The following SMIM10L1 variants were observed in gnomAD, a reference collection of about 807,000 sequenced individuals.
SMIM10L1 encodes the protein small integral membrane protein 10 like 1.
SMIM10L1 carries 6 observed loss-of-function variants against 4.5 expected under a neutral mutation model. That is an observed-to-expected ratio of 1.33 (90% confidence interval 0.73 to 2.62). SMIM10L1 has a LOEUF of 2.62. Among genes scored for constraint, SMIM10L1 ranks in the 30% most tolerant of loss-of-function variants. SMIM10L1 has a pLI of 0.00. For synonymous variants in SMIM10L1, 49 were observed against 42.2 expected, an observed-to-expected ratio of 1.16 and a Z score of -0.63; for missense variants, 66 against 86.2, an observed-to-expected ratio of 0.77 and a Z score of 0.93.
In SMIM10L1 at chr12:11,173,542, G is replaced by A. The variant is rs1947903310; in HGVS notation, c.*1979G>A. The A allele has an allele frequency of 6.6e-6, 1 of 152,158 alleles. No individual in the cohort carries two copies. Among genetic ancestry groups the A allele is most frequent in the South Asian group, 2.1e-4 (1 of 4,832 alleles). 9.4% of individuals were successfully genotyped at this position (152,158 alleles called of 1,614,324 possible). On this transcript the variant is annotated 3_prime_UTR_variant, in exon 1 of 1. Coordinates refer to ENST00000622602, the MANE Select transcript of SMIM10L1 (RefSeq NM_001271592.2). ...CAAAACATTTTAGTCTAAAATATCA[G>A]AAGTGTAGTTTAATCAATGAAATAG...
rs145863299 is a variant in SMIM10L1 at position 11,175,676 on chromosome 12, G to A, written c.*4113G>A. 8 of 152,270 alleles carry A rather than the reference G, an allele frequency of 5.3e-5. No homozygotes were observed. Among genetic ancestry groups the A allele is most frequent in the African/African-American group, 1.9e-4 (8 of 41,550 alleles). 9.4% of individuals were successfully genotyped at this position (152,270 alleles called of 1,614,324 possible). Reference sequence around the variant, plus strand: ...CTATTACTTGGGTTACCTTGAGTGTGGGGATTCTTCTTGCAGTTTTAACAC... The same window carrying A: ...CTATTACTTGGGTTACCTTGAGTGTAGGGATTCTTCTTGCAGTTTTAACAC... On this transcript the variant is annotated 3_prime_UTR_variant, in exon 1 of 1. Coordinates refer to ENST00000622602, the MANE Select transcript of SMIM10L1 (RefSeq NM_001271592.2).
In SMIM10L1 at chr12:11,172,246, A is replaced by G. The variant is rs1298913271; in HGVS notation, c.*683A>G. The G allele has an allele frequency of 6.6e-6, 1 of 152,234 alleles. No individual in the cohort carries two copies. The highest frequency in any genetic ancestry group is 1.5e-5 in the Non-Finnish European group (1 of 68,040). 9.4% of individuals were successfully genotyped at this position (152,234 alleles called of 1,614,324 possible). A position where few individuals can be genotyped will look rare whatever the true frequency, so the allele number is the denominator to read the frequency against. On this transcript the variant is annotated 3_prime_UTR_variant, in exon 1 of 1. Coordinates refer to ENST00000622602, the MANE Select transcript of SMIM10L1 (RefSeq NM_001271592.2). ...TAGCACAAAGCTTGGCTGTTCAGTG[A>G]ATAACATTTAAATAATCGTAAAATA... is the stretch of plus-strand genomic sequence containing the variant.
At position 11,171,700 on chromosome 12, in the gene SMIM10L1, T is replaced by A; in HGVS notation, c.*137T>A. The A allele has an allele frequency of 1.8e-6, 1 of 562,256 alleles. No individual in the cohort carries two copies. The highest frequency in any genetic ancestry group is 1.9e-5 in the African/African-American group (1 of 51,850). The allele number at this position is 562,256 out of a possible 1,614,324, so 34.8% of individuals were successfully genotyped here. ...CAGGCGCTCTTCGTGGCTGCCCTCT[T>A]AGCTGCTAGCGGAGCTCCTCAGGGG... is the stretch of plus-strand genomic sequence containing the variant. On this transcript the variant is annotated 3_prime_UTR_variant, in exon 1 of 1. Coordinates refer to ENST00000622602, the MANE Select transcript of SMIM10L1 (RefSeq NM_001271592.2).
chr12:11,171,653 C>T lies in SMIM10L1; in HGVS notation c.*90C>T. 1 of 957,054 alleles carries T rather than the reference C, an allele frequency of 1.0e-6. No homozygotes were observed. Among genetic ancestry groups the T allele is most frequent in the South Asian group, 5.4e-5 (1 of 18,370 alleles). 59.3% of individuals were successfully genotyped at this position (957,054 alleles called of 1,614,324 possible). Reference sequence around the variant, plus strand: ...CGCGGCGGAGCAGCCAATGGCGAGCCCCACAGTCTCGCGAGAGTGCTCAGG... The same window carrying T: ...CGCGGCGGAGCAGCCAATGGCGAGCTCCACAGTCTCGCGAGAGTGCTCAGG... On this transcript the variant is annotated 3_prime_UTR_variant, in exon 1 of 1. Transcript: ENST00000622602.
In SMIM10L1 at chr12:11,172,766, T is replaced by G. The variant is rs767395976; in HGVS notation, c.*1203T>G. 2 of 152,162 alleles carry G rather than the reference T, an allele frequency of 1.3e-5. No homozygotes were observed. Among genetic ancestry groups the G allele is most frequent in the African/African-American group, 2.4e-5 (1 of 41,452 alleles). 9.4% of individuals were successfully genotyped at this position (152,162 alleles called of 1,614,324 possible). A position where few individuals can be genotyped will look rare whatever the true frequency, so the allele number is the denominator to read the frequency against. ...TTTTGAACGCTGAGAAAAATAAAAA[T>G]TTAAAAACTACACTGTATACACGGT... On this transcript the variant is annotated 3_prime_UTR_variant, in exon 1 of 1. Transcript: ENST00000622602.
Position 11,175,444 on chromosome 12 carries a change from A to G in SMIM10L1, c.*3881A>G, listed in dbSNP as rs1231174024. ...ATAGCGTCAAGAAGAAAATAAAGTT[A>G]CATGCAGAAGCATAAAGGGGTAGGA... On this transcript the variant is annotated 3_prime_UTR_variant, in exon 1 of 1. Coordinates refer to ENST00000622602, the MANE Select transcript of SMIM10L1 (RefSeq NM_001271592.2). The G allele has an allele frequency of 6.6e-6, 1 of 152,218 alleles. No homozygotes were observed. Among genetic ancestry groups the G allele is most frequent in the African/African-American group, 2.4e-5 (1 of 41,460 alleles). The allele number at this position is 152,218 out of a possible 1,614,324, so 9.4% of individuals were successfully genotyped here. A position where few individuals can be genotyped will look rare whatever the true frequency, so the allele number is the denominator to read the frequency against.
In SMIM10L1 at chr12:11,171,493, G is replaced by A. The variant is rs746167780; in HGVS notation, c.137G>A (p.Arg46His). The change falls in exon 1 of 1, where the codon CGC becomes CAC. Residue 46 changes from arginine (R) to histidine (H), a missense_variant. Arg to His is a conservative substitution (Grantham distance 29). Transcript: ENST00000622602. ...TTCTTCGAGCTGGCCTGGCAGCTGC[G>A]CATGAACTTCCCGTACTTCTACGTC... ...LAFFELAWQL[R>H]MNFPYFYVAG... is the part of the protein sequence containing the mutation. 77 of 1,232,270 alleles carry A rather than the reference G, an allele frequency of 6.2e-5. No homozygotes were observed. Among genetic ancestry groups the A allele is most frequent in the Non-Finnish European group, 7.5e-5 (74 of 988,148 alleles). The allele number at this position is 1,232,270 out of a possible 1,614,324, so 76.3% of individuals were successfully genotyped here. A position where few individuals can be genotyped will look rare whatever the true frequency, so the allele number is the denominator to read the frequency against.
In SMIM10L1 at chr12:11,171,496, T is replaced by C; in HGVS notation, c.140T>C (p.Met47Thr). 3.2e-6 allele frequency: 4 copies of C among 1,232,366 alleles called. No homozygotes were observed. Among genetic ancestry groups the C allele is most frequent in the Non-Finnish European group, 4.0e-6 (4 of 988,130 alleles). 76.3% of individuals were successfully genotyped at this position (1,232,366 alleles called of 1,614,324 possible). Residue 47 changes from methionine (M) to threonine (T), a missense_variant, in exon 1 of 1, where the codon ATG becomes ACG. By Grantham distance (81) the Met-to-Thr change is moderately conservative. Coordinates refer to ENST00000622602, the MANE Select transcript of SMIM10L1 (RefSeq NM_001271592.2). ...AFFELAWQLR[M>T]NFPYFYVAGS... ...TTCGAGCTGGCCTGGCAGCTGCGCA[T>C]GAACTTCCCGTACTTCTACGTCGCG...
rs1234904482 is a variant in SMIM10L1, at chr12:11,172,896, G to A, written c.*1333G>A. The A allele has an allele frequency of 6.6e-6, 1 of 152,108 alleles. No individual in the cohort carries two copies. The highest frequency in any genetic ancestry group is 1.5e-5 in the Non-Finnish European group (1 of 68,006). The allele number at this position is 152,108 out of a possible 1,614,324, so 9.4% of individuals were successfully genotyped here. A position where few individuals can be genotyped will look rare whatever the true frequency, so the allele number is the denominator to read the frequency against. ...TGATTCTATAACGCTGGGAGGATGG[G>A]AGAAAAGAGATGTGTGTGTGTGTAA... On this transcript the variant is annotated 3_prime_UTR_variant, in exon 1 of 1. Coordinates refer to ENST00000622602, the MANE Select transcript of SMIM10L1 (RefSeq NM_001271592.2).
In SMIM10L1 at chr12:11,172,559, C is replaced by T. The variant is rs111849308; in HGVS notation, c.*996C>T. On this transcript the variant is annotated 3_prime_UTR_variant, in exon 1 of 1. Coordinates refer to ENST00000622602, the MANE Select transcript of SMIM10L1 (RefSeq NM_001271592.2). Reference sequence around the variant, plus strand: ...AAAGAGGGAGAGTGGTAGGGGAGAACAGTATGAAGTCAACAGGAAATGGCT... The same window carrying T: ...AAAGAGGGAGAGTGGTAGGGGAGAATAGTATGAAGTCAACAGGAAATGGCT... 4 of 151,900 alleles carry T rather than the reference C, an allele frequency of 2.6e-5. No individual in the cohort carries two copies. Among genetic ancestry groups the T allele is most frequent in the African/African-American group, 9.7e-5 (4 of 41,310 alleles). The allele number at this position is 151,900 out of a possible 1,614,324, so 9.4% of individuals were successfully genotyped here. A position where few individuals can be genotyped will look rare whatever the true frequency, so the allele number is the denominator to read the frequency against.
chr12:11,171,665 C>A lies in SMIM10L1; in HGVS notation c.*102C>A. ...GCCAATGGCGAGCCCCACAGTCTCG[C>A]GAGAGTGCTCAGGCGCTCTTCGTGG... On this transcript the variant is annotated 3_prime_UTR_variant, in exon 1 of 1. Transcript: ENST00000622602. 1 of 853,446 alleles carries A rather than the reference C, an allele frequency of 1.2e-6. No homozygotes were observed. The highest frequency in any genetic ancestry group is 1.6e-6 in the Non-Finnish European group (1 of 642,530). The allele number at this position is 853,446 out of a possible 1,614,324, so 52.9% of individuals were successfully genotyped here.
chr12:11,174,354 T>C lies in SMIM10L1; in HGVS notation c.*2791T>C, dbSNP rs1317446928. 1 of 152,134 alleles carries C rather than the reference T, an allele frequency of 6.6e-6. No homozygotes were observed. Among genetic ancestry groups the C allele is most frequent in the Non-Finnish European group, 1.5e-5 (1 of 67,996 alleles). 9.4% of individuals were successfully genotyped at this position (152,134 alleles called of 1,614,324 possible). A position where few individuals can be genotyped will look rare whatever the true frequency, so the allele number is the denominator to read the frequency against. ...GTGCGGAATAGCTAATAAATATTGT[T>C]GAATGGATAGATGAATGGCAATTTT... On this transcript the variant is annotated 3_prime_UTR_variant, in exon 1 of 1. Transcript: ENST00000622602.
Position 11,171,205 on chromosome 12 carries a change from G to A in SMIM10L1, c.-152G>A. 7.0e-6 allele frequency: 3 copies of A among 428,638 alleles called. No individual in the cohort carries two copies. Among genetic ancestry groups the A allele is most frequent in the East Asian group, 3.6e-5 (1 of 28,084 alleles). The allele number at this position is 428,638 out of a possible 1,614,324, so 26.6% of individuals were successfully genotyped here. ...CCAGCGGCGCCCGGGGCTACGCGCCGCACTGCACCGAGCGGCGGCAGCGGC... is the reference window on the plus strand; with the variant it reads ...CCAGCGGCGCCCGGGGCTACGCGCCACACTGCACCGAGCGGCGGCAGCGGC... On this transcript the variant is annotated 5_prime_UTR_variant, in exon 1 of 1. Coordinates refer to ENST00000622602, the MANE Select transcript of SMIM10L1 (RefSeq NM_001271592.2).
At position 11,173,260 on chromosome 12, in the gene SMIM10L1, T is replaced by G. The variant is rs1393644969; in HGVS notation, c.*1697T>G. ...CCTAGGGTAATTGTTCTTTCTAGTC[T>G]TTATTCTTTGTCTCCAGCCAAACTC... is the stretch of plus-strand genomic sequence containing the variant. On this transcript the variant is annotated 3_prime_UTR_variant, in exon 1 of 1. Coordinates refer to ENST00000622602, the MANE Select transcript of SMIM10L1 (RefSeq NM_001271592.2). The G allele has an allele frequency of 6.6e-6, 1 of 152,212 alleles. No individual in the cohort carries two copies. Among genetic ancestry groups the G allele is most frequent in the Non-Finnish European group, 1.5e-5 (1 of 68,034 alleles). 9.4% of individuals were successfully genotyped at this position (152,212 alleles called of 1,614,324 possible).
At position 11,174,044 on chromosome 12, in the gene SMIM10L1, G is replaced by GTATATA. The variant is rs34496871; in HGVS notation, c.*2489_*2494dup. 2 of 150,432 alleles carry GTATATA rather than the reference G, an allele frequency of 1.3e-5. No individual in the cohort carries two copies. The highest frequency in any genetic ancestry group is 4.9e-5 in the African/African-American group (2 of 40,942). The allele number at this position is 150,432 out of a possible 1,614,324, so 9.3% of individuals were successfully genotyped here. ...AGCTTACATTTACCTCGTAATATATGTATATATATATATTAGGAGTTAAAT... is the reference window on the plus strand; with the variant it reads ...AGCTTACATTTACCTCGTAATATATGTATATATATATATATATATTAGGAGTTAAAT... On this transcript the variant is annotated 3_prime_UTR_variant, in exon 1 of 1. Transcript: ENST00000622602.
rs1947911930 is a variant in SMIM10L1 at position 11,174,021 on chromosome 12, C to G, written c.*2458C>G. The G allele has an allele frequency of 6.7e-6, 1 of 149,838 alleles. No individual in the cohort carries two copies. Among genetic ancestry groups the G allele is most frequent in the Non-Finnish European group, 1.5e-5 (1 of 67,468 alleles). 9.3% of individuals were successfully genotyped at this position (149,838 alleles called of 1,614,324 possible). On this transcript the variant is annotated 3_prime_UTR_variant, in exon 1 of 1. Coordinates refer to ENST00000622602, the MANE Select transcript of SMIM10L1 (RefSeq NM_001271592.2). ...TTACAATATATGCATAAAGTTACAGCTTACATTTACCTCGTAATATATGTA... is the reference window on the plus strand; with the variant it reads ...TTACAATATATGCATAAAGTTACAGGTTACATTTACCTCGTAATATATGTA...
rs1449816616 is a variant in SMIM10L1 at position 11,174,534 on chromosome 12, A to G, written c.*2971A>G. The G allele has an allele frequency of 6.6e-6, 1 of 152,032 alleles. No homozygotes were observed. The highest frequency in any genetic ancestry group is 2.4e-5 in the African/African-American group (1 of 41,432). The allele number at this position is 152,032 out of a possible 1,614,324, so 9.4% of individuals were successfully genotyped here. A position where few individuals can be genotyped will look rare whatever the true frequency, so the allele number is the denominator to read the frequency against. On this transcript the variant is annotated 3_prime_UTR_variant, in exon 1 of 1. Coordinates refer to ENST00000622602, the MANE Select transcript of SMIM10L1 (RefSeq NM_001271592.2). ...ATCCCTCAAGCATGAAAAAGCAGAG[A>G]CATAGGTGGTATAGTTATTATCAAT...
rs1267933597 is a variant in SMIM10L1 at position 11,172,894 on chromosome 12, G to A, written c.*1331G>A. 6.6e-6 allele frequency: 1 copy of A among 152,100 alleles called. No individual in the cohort carries two copies. Among genetic ancestry groups the A allele is most frequent in the Non-Finnish European group, 1.5e-5 (1 of 68,008 alleles). The allele number at this position is 152,100 out of a possible 1,614,324, so 9.4% of individuals were successfully genotyped here. A position where few individuals can be genotyped will look rare whatever the true frequency, so the allele number is the denominator to read the frequency against. ...AATGATTCTATAACGCTGGGAGGAT[G>A]GGAGAAAAGAGATGTGTGTGTGTGT... is the stretch of plus-strand genomic sequence containing the variant. On this transcript the variant is annotated 3_prime_UTR_variant, in exon 1 of 1. Transcript: ENST00000622602.
rs1361975938 is a variant in SMIM10L1, at chr12:11,171,267, C to T, written c.-90C>T. ...TGAGCCCGGGAGCCGCTTTGCTTAC[C>T]GTCCTGCCGGTCCCAGCCGTCGCTA... On this transcript the variant is annotated 5_prime_UTR_variant, in exon 1 of 1. Transcript: ENST00000622602. 1 of 864,098 alleles carries T rather than the reference C, an allele frequency of 1.2e-6. No homozygotes were observed. Among genetic ancestry groups the T allele is most frequent in the Non-Finnish European group, 1.5e-6 (1 of 651,858 alleles). The allele number at this position is 864,098 out of a possible 1,614,324, so 53.5% of individuals were successfully genotyped here.
Sources: allele counts gnomAD v4.1 joint callset, GRCh38; gene constraint gnomAD v4.1.1; transcripts MANE v1.5; gene names NCBI Gene and HGNC (gene_info 2026-07-23, HGNC 2026-07-21).